Variants in ROBO1 observed in about 807,000 individuals in gnomAD.
The protein encoded by ROBO1 is roundabout homolog 1.
In ROBO1, 149 loss-of-function variants were observed where a neutral mutation model predicts 195.9. The ratio of observed to expected loss-of-function variants is 0.76; its 90% CI spans 0.67 to 0.87. The LOEUF (loss-of-function observed/expected upper bound fraction) is 0.87, where lower values mean the gene tolerates loss of function less well. Ranked by LOEUF, ROBO1 falls within the 40% of genes least tolerant of loss-of-function variation. The pLI is 0.00. For synonymous variants in ROBO1, 816 were observed against 733.2 expected (o/e 1.11, Z -1.82); for missense variants, 1,933 against 2,068.3 (o/e 0.93, Z 1.27).
intron 2 of ROBO1, among the ~76,000 whole-genome samples, chr3:79,299,886 C>A (rs909752436): frequency 6.6e-6 from 1 of 150,564 alleles, no homozygotes; most frequent in East Asian, 1.9e-4. Context: ...CTACTAAATT[C>A]TCTTAAAGAT....
At chr3:79,606,684 A>G (rs976850239) in intron 1 of ROBO1, among the ~76,000 whole-genome samples, 1 of 151,992 alleles carries the variant, frequency 6.6e-6, no homozygotes, top group Non-Finnish European at 1.5e-5. Flanking sequence ...TGACATATAA[A>G]TAGACCAGTG....
chr3:78,890,804 C>G (rs2036845015), intron 4 of ROBO1, among the ~76,000 whole-genome samples: 1 of 152,052 alleles, frequency 6.6e-6, no homozygotes, highest in Non-Finnish European at 1.5e-5. Context: ...CTATGTCACC[C>G]AGACTGGAGT....
At chr3:79,073,579 TA>T (rs1268856493) in intron 3 of ROBO1, among the ~76,000 whole-genome samples, 2 of 151,840 alleles carry the variant, frequency 1.3e-5, no homozygotes, top group Non-Finnish European at 2.9e-5. Flanking sequence ...TTATGGACAG[TA>T]CTGAAAGAAC....
At chr3:79,177,125 A>G (rs562874909) in intron 2 of ROBO1, among the ~76,000 whole-genome samples, 2 of 152,270 alleles carry the variant, frequency 1.3e-5, no homozygotes, top group Non-Finnish European at 2.9e-5. Flanking sequence ...AAAATTTTTC[A>G]TTTCTTGATT....
At chr3:78,638,328 C>G (rs1184463375) in intron 22 of ROBO1, among the ~76,000 whole-genome samples, 1 of 150,524 alleles carries the variant, frequency 6.6e-6, no homozygotes, top group Non-Finnish European at 1.5e-5. Flanking sequence ...TATATATACA[C>G]ACACACTTAA....
chr3:79,118,608 G>A (rs377126763), intron 3 of ROBO1, among the ~76,000 whole-genome samples: 5 of 152,004 alleles, frequency 3.3e-5, no homozygotes, highest in African/African-American at 4.8e-5. Flanking sequence ...GGTGGCTCAC[G>A]CCTGTAATCC....
intron 2 of ROBO1, among the ~76,000 whole-genome samples, chr3:79,153,849 A>T (rs1300879339): frequency 6.6e-6 from 1 of 151,220 alleles, no homozygotes; most frequent in Non-Finnish European, 1.5e-5. Flanking sequence ...CCTTAAAAAT[A>T]TTCCATGTGG....
chr3:78,978,675 A>G (rs2076932133), intron 3 of ROBO1, among the ~76,000 whole-genome samples: 1 of 152,150 alleles, frequency 6.6e-6, no homozygotes, highest in African/African-American at 2.4e-5. Context: ...AGAGCCTTGT[A>G]CTTTTTCCAT....
At chr3:79,282,764 G>A (rs1236159924) in intron 2 of ROBO1, among the ~76,000 whole-genome samples, 2 of 152,152 alleles carry the variant, frequency 1.3e-5, no homozygotes, top group Non-Finnish European at 2.9e-5. Flanking sequence ...TAGTAATGGG[G>A]AGAACCATGG....
At chr3:79,015,424 T>C (rs549515906) in intron 3 of ROBO1, among the ~76,000 whole-genome samples, 3 of 128,932 alleles carry the variant, frequency 2.3e-5, no homozygotes, top group Non-Finnish European at 4.7e-5. Context: ...CAGTAAACTA[T>C]CATTTATTTG....
intron 8 of ROBO1, among the ~76,000 whole-genome samples, chr3:78,704,336 G>C (rs187608597): frequency 6.6e-6 from 1 of 151,948 alleles, no homozygotes; most frequent in Non-Finnish European, 1.5e-5. Context: ...GCTATCATAC[G>C]AGCTCCAAAA....
chr3:79,391,728 C>G (rs1457065097), intron 2 of ROBO1, among the ~76,000 whole-genome samples: 3 of 151,948 alleles, frequency 2.0e-5, no homozygotes, highest in Admixed American at 2.0e-4. Flanking sequence ...ATAAAAGCAA[C>G]TGAAATATAC....
At chr3:79,434,746 G>A (rs2038819332) in intron 2 of ROBO1, among the ~76,000 whole-genome samples, 2 of 152,050 alleles carry the variant, frequency 1.3e-5, no homozygotes, top group Non-Finnish European at 2.9e-5. Context: ...TCATGCTGCT[G>A]TAAAGACACA....
At chr3:79,469,831 T>G (rs1429600999) in intron 2 of ROBO1, among the ~76,000 whole-genome samples, 3 of 152,082 alleles carry the variant, frequency 2.0e-5, no homozygotes, top group Non-Finnish European at 4.4e-5. Flanking sequence ...CAACTTTTTC[T>G]TCTTTTATAC....
At chr3:79,121,762 T>C (rs1479591826) in intron 3 of ROBO1, among the ~76,000 whole-genome samples, 1 of 152,018 alleles carries the variant, frequency 6.6e-6, no homozygotes. Context: ...ACAAAGGGTA[T>C]ATTTTAGACA....
intron 21 of ROBO1, among the ~76,000 whole-genome samples, chr3:78,641,248 G>A (rs1050812673): frequency 1.6e-4 from 25 of 152,214 alleles, no homozygotes; most frequent in Admixed American, 1.3e-3. Flanking sequence ...AGAAGTTTGT[G>A]CATGGTTACT....
intron 3 of ROBO1, among the ~76,000 whole-genome samples, chr3:79,064,066 T>C (rs1337156815): frequency 6.6e-6 from 1 of 151,872 alleles, no homozygotes; most frequent in Non-Finnish European, 1.5e-5. Context: ...GTATTGCATG[T>C]TTCAAGGGAG....
chr3:78,819,003 C>A (rs918691130), intron 4 of ROBO1, among the ~76,000 whole-genome samples: 1 of 152,084 alleles, frequency 6.6e-6, no homozygotes, highest in Non-Finnish European at 1.5e-5. Context: ...GGTGTATATA[C>A]AGGAAAAAAC....
intron 3 of ROBO1, among the ~76,000 whole-genome samples, chr3:78,994,729 A>G (rs1462144598): frequency 6.6e-6 from 1 of 152,166 alleles, no homozygotes. Context: ...AATGCTGTAA[A>G]AGTCATGCAG....
Sources: allele counts gnomAD v4.1 joint callset (sites outside exome capture counted in the v4.1 genomes callset), GRCh38; gene constraint gnomAD v4.1.1; transcripts MANE v1.5; gene names NCBI Gene and HGNC (gene_info 2026-07-23, HGNC 2026-07-21).